MTCL1: variants seen among roughly 807,000 people sequenced by gnomAD.
The protein encoded by MTCL1 is microtubule cross-linking factor 1.
Under a neutral mutation model 141.4 loss-of-function variants are expected in MTCL1, and 79 were observed. That is an observed-to-expected ratio of 0.56 (90% confidence interval 0.47 to 0.67). The LOEUF (loss-of-function observed/expected upper bound fraction) is 0.67. Among genes scored for constraint, MTCL1 ranks in the 30% least tolerant of loss-of-function variants. The pLI is 0.00. For synonymous variants in MTCL1, 914 were observed against 875.8 expected, an observed-to-expected ratio of 1.04 and a Z score of -0.77; for missense variants, 2,177 against 2,113.9, an observed-to-expected ratio of 1.03 and a Z score of -0.59.
At chr18:8,725,441 G>T (rs2096202097) in intron 4 of MTCL1, among the ~76,000 whole-genome samples, 1 of 152,108 alleles carries the variant, frequency 6.6e-6, no homozygotes, top group South Asian at 2.1e-4. Flanking sequence ...GACTTCAATT[G>T]TAACCCACAG....
intron 8 of MTCL1, among the ~76,000 whole-genome samples, chr18:8,793,941 G>A (rs2075824002): frequency 6.6e-6 from 1 of 152,212 alleles, no homozygotes; most frequent in Admixed American, 6.5e-5. Flanking sequence ...GTTGACTGAG[G>A]CCATGTGATT....
At chr18:8,757,117 T>A (rs573819) in intron 4 of MTCL1, among the ~76,000 whole-genome samples, 63,180 of 151,992 alleles carry the variant, frequency 0.42, 14,803 homozygotes, top group African/African-American at 0.64. Flanking sequence ...GGCAGGAGAC[T>A]GCCTGTGCCT....
intron 4 of MTCL1, among the ~76,000 whole-genome samples, chr18:8,748,994 G>C (rs941106472): frequency 6.6e-6 from 1 of 152,176 alleles, no homozygotes; most frequent in African/African-American, 2.4e-5. Context: ...AGCACATGAT[G>C]CTGCCGTCAA....
At chr18:8,826,074 C>A in exon 15 of MTCL1, 1 of 1,610,946 alleles carries the variant, frequency 6.2e-7, no homozygotes. Context: ...ATCTGCTCCC[C>A]CTGGCTACAC....
At chr18:8,746,736 G>A (rs1171674264) in intron 4 of MTCL1, among the ~76,000 whole-genome samples, 7 of 152,172 alleles carry the variant, frequency 4.6e-5, no homozygotes, top group African/African-American at 1.7e-4. Flanking sequence ...TCTCCACAAT[G>A]TGCCAGAGCT....
intron 4 of MTCL1, among the ~76,000 whole-genome samples, chr18:8,761,368 C>A (rs2096431550): frequency 6.6e-6 from 1 of 152,162 alleles, no homozygotes; most frequent in African/African-American, 2.4e-5. Context: ...ACCATTTTAA[C>A]CTTTTTAAAG....
At chr18:8,723,458 ATG>A (rs2096186574) in intron 4 of MTCL1, among the ~76,000 whole-genome samples, 1 of 152,140 alleles carries the variant, frequency 6.6e-6, no homozygotes, top group South Asian at 2.1e-4. Flanking sequence ...AGGACAGTTC[ATG>A]TGTTGTGTGT....
intron 4 of MTCL1, among the ~76,000 whole-genome samples, chr18:8,732,823 G>T (rs2096257400): frequency 6.6e-6 from 1 of 152,186 alleles, no homozygotes. Context: ...GAATGTTGGG[G>T]GTGGGGGCAG....
chr18:8,808,942 G>A (rs564965583), intron 11 of MTCL1, among the ~76,000 whole-genome samples: 1 of 152,298 alleles, frequency 6.6e-6, no homozygotes, highest in East Asian at 1.9e-4. Flanking sequence ...TGAGAATTCA[G>A]GGAAGGCTGT....
In MTCL1 at chr18:8,799,671, A is replaced by G. The variant is rs574915403; in HGVS notation, c.2436+1380A>G. On this transcript the variant is annotated intron_variant, in intron 10 of 16. Coordinates refer to ENST00000359865, the Ensembl canonical transcript of MTCL1. ...TGTGCTTACCTCCCATAATATTGCC[A>G]CTGATGGCCACTGTTCCCACCTCGC... 2.6e-5 allele frequency among the ~76,000 whole-genome samples: 4 copies of G among 152,224 alleles called. No homozygotes were observed. The South Asian group carries it at 8.3e-4, about 32-fold the overall frequency.
chr18:8,797,095 G>T (rs1334301370), intron 9 of MTCL1, among the ~76,000 whole-genome samples: 1 of 152,192 alleles, frequency 6.6e-6, no homozygotes, highest in African/African-American at 2.4e-5. Context: ...CCGTGCTGTA[G>T]CAAAGTTCCG....
chr18:8,761,860 C>T (rs2096434339), intron 4 of MTCL1, among the ~76,000 whole-genome samples: 1 of 152,208 alleles, frequency 6.6e-6, no homozygotes, highest in Non-Finnish European at 1.5e-5. Flanking sequence ...GGGTCCCTCC[C>T]ACAACATGTG....
At chr18:8,756,302 A>AGTGTGT (rs138010375) in intron 4 of MTCL1, among the ~76,000 whole-genome samples, 1 of 151,236 alleles carries the variant, frequency 6.6e-6, no homozygotes, top group African/African-American at 2.4e-5. Flanking sequence ...ATGAAAAAGA[A>AGTGTGT]GTGTGTGTGT....
intron 5 of MTCL1, among the ~76,000 whole-genome samples, chr18:8,781,623 A>C (rs914095501): frequency 1.7e-4 from 26 of 152,346 alleles, no homozygotes; most frequent in Non-Finnish European, 3.2e-4. Flanking sequence ...TACACAAACC[A>C]GTTTATATAT....
intron 16 of MTCL1, chr18:8,831,373 T>G (rs1212416050): frequency 5.9e-5 from 81 of 1,364,566 alleles, no homozygotes; most frequent in Admixed American, 6.2e-5. Flanking sequence ...TCTCACAGTA[T>G]TGCTGTGTTT....
At chr18:8,805,121 A>ATATATATATATAT (rs1555667527) in intron 10 of MTCL1, among the ~76,000 whole-genome samples, 4 of 150,750 alleles carry the variant, frequency 2.7e-5, no homozygotes, top group Non-Finnish European at 4.4e-5. Context: ...ATATATATAG[A>ATATATATATATAT]ATTTTAGGTT....
intron 4 of MTCL1, among the ~76,000 whole-genome samples, chr18:8,739,481 A>G (rs1409214563): frequency 6.6e-6 from 1 of 152,180 alleles, no homozygotes; most frequent in Admixed American, 6.5e-5. Flanking sequence ...GACACCCTAC[A>G]CTGCCTAGGA....
chr18:8,827,641 T>C (rs948850604), intron 15 of MTCL1, among the ~76,000 whole-genome samples: 1 of 152,194 alleles, frequency 6.6e-6, no homozygotes, highest in African/African-American at 2.4e-5. Context: ...ACGGTCTGTT[T>C]ATATGTGAGT....
chr18:8,733,139 C>T (rs993323349), intron 4 of MTCL1, among the ~76,000 whole-genome samples: 5 of 152,284 alleles, frequency 3.3e-5, no homozygotes, highest in East Asian at 1.9e-4. Context: ...GAGCTGAGGA[C>T]GCAGTGCCTG....
Sources: gnomAD v4.1 joint callset for allele counts (sites outside exome capture counted in the v4.1 genomes callset) on GRCh38, gnomAD v4.1.1 for gene constraint, MANE v1.5 for transcripts, NCBI Gene and HGNC (gene_info 2026-07-23, HGNC 2026-07-21) for gene names.